NELL2: variants seen among roughly 807,000 people sequenced by gnomAD.
The protein encoded by NELL2 is neural EGFL like 2.
In NELL2, 41 loss-of-function variants were observed where a neutral mutation model predicts 109.6. The ratio of observed to expected loss-of-function variants is 0.37; its 90% confidence interval spans 0.29 to 0.49. The LOEUF is 0.49. NELL2 is among the 20% of genes least tolerant of loss of function. The pLI is 0.98. For missense variants in NELL2, 900 were observed against 1,008.3 expected (o/e 0.89, Z 1.45); for synonymous variants, 355 against 344.7 (o/e 1.03, Z -0.33).
intron 2 of NELL2, among the ~76,000 whole-genome samples, chr12:44,870,992 G>A (rs1945145167): frequency 1.3e-5 from 2 of 151,942 alleles, no homozygotes; most frequent in African/African-American, 4.8e-5. Flanking sequence ...ATGTAACCTG[G>A]TTCCTGCTTT....
At chr12:44,852,719 G>A (rs1944568282) in intron 2 of NELL2, among the ~76,000 whole-genome samples, 1 of 152,290 alleles carries the variant, frequency 6.6e-6, no homozygotes, top group African/African-American at 2.4e-5. Context: ...CCACTCGACA[G>A]TTTCCTGCCT....
At chr12:44,629,461 G>A (rs1376621856) in intron 13 of NELL2, among the ~76,000 whole-genome samples, 6 of 152,180 alleles carry the variant, frequency 3.9e-5, no homozygotes, top group Non-Finnish European at 7.3e-5. Context: ...TACCCCTGCA[G>A]TAATAAACCA....
chr12:44,684,761 G>T (rs935622842), intron 12 of NELL2, among the ~76,000 whole-genome samples: 1 of 152,160 alleles, frequency 6.6e-6, no homozygotes, highest in African/African-American at 2.4e-5. Context: ...GTTCTAGTTT[G>T]ATTGCACTGT....
chr12:44,841,829 C>G (rs377049551), intron 2 of NELL2, among the ~76,000 whole-genome samples: 2 of 152,212 alleles, frequency 1.3e-5, no homozygotes, highest in African/African-American at 4.8e-5. Context: ...AGAGAATTCA[C>G]TCCCAGAAAG....
chr12:44,844,350 C>T (rs373283042), intron 2 of NELL2, among the ~76,000 whole-genome samples: 1 of 152,166 alleles, frequency 6.6e-6, no homozygotes, highest in Admixed American at 6.5e-5. Context: ...TGACTTATTA[C>T]TTAACAATAA....
intron 13 of NELL2, among the ~76,000 whole-genome samples, chr12:44,642,502 T>C (rs558685234): frequency 6.6e-6 from 1 of 152,336 alleles, no homozygotes; most frequent in South Asian, 2.1e-4. Context: ...TCAATGGGTA[T>C]AAAGTTTTAG....
intron 16 of NELL2, chr12:44,523,716 T>C: frequency 1.9e-6 from 1 of 538,722 alleles, no homozygotes; most frequent in Non-Finnish European, 3.3e-6. Context: ...TGGCTAGAAT[T>C]TCAACTTTTA....
intron 9 of NELL2, among the ~76,000 whole-genome samples, chr12:44,742,656 C>T (rs1274013998): frequency 6.6e-6 from 1 of 152,136 alleles, no homozygotes; most frequent in Non-Finnish European, 1.5e-5. Flanking sequence ...GTGACAAATG[C>T]AGAAGCCTCA....
At chr12:44,837,714 A>C (rs1426181091) in intron 2 of NELL2, among the ~76,000 whole-genome samples, 1 of 151,950 alleles carries the variant, frequency 6.6e-6, no homozygotes, top group Non-Finnish European at 1.5e-5. Context: ...AAGTTGATTC[A>C]TATCTGCCAG....
chr12:44,664,600 T>C (rs1947859657), intron 13 of NELL2, among the ~76,000 whole-genome samples: 1 of 152,134 alleles, frequency 6.6e-6, no homozygotes, highest in African/African-American at 2.4e-5. Flanking sequence ...TGAAAACATC[T>C]AGGTTTTGTT....
intron 15 of NELL2, among the ~76,000 whole-genome samples, chr12:44,587,284 A>AAAAAAG: frequency 1.4e-5 from 1 of 72,206 alleles, no homozygotes; most frequent in Non-Finnish European, 2.7e-5. Flanking sequence ...AAAAAAAAAA[A>AAAAAAG]ATATATATAT....
At chr12:44,774,951 G>GTTT in intron 8 of NELL2, 102 bp from the exon 9 acceptor site, 2 of 844,948 alleles carry the variant, frequency 2.4e-6, no homozygotes, top group Non-Finnish European at 3.7e-6. Flanking sequence ...CATGTGAAGA[G>GTTT]AACAGAACAG....
chr12:44,550,322 A>T (rs1942982302), intron 15 of NELL2, among the ~76,000 whole-genome samples: 1 of 152,078 alleles, frequency 6.6e-6, no homozygotes, highest in Non-Finnish European at 1.5e-5. Flanking sequence ...TGAAATCAGG[A>T]TCTTGAAGAG....
chr12:44,509,715 T>G (rs372137216), intron 19 of NELL2, among the ~76,000 whole-genome samples: 2 of 152,278 alleles, frequency 1.3e-5, no homozygotes, highest in African/African-American at 4.8e-5. Context: ...GGGGAATGAA[T>G]TGTCGTTGTT....
chr12:44,835,732 C>T (rs781439660), intron 2 of NELL2, among the ~76,000 whole-genome samples: 6 of 152,216 alleles, frequency 3.9e-5, no homozygotes, highest in African/African-American at 7.2e-5. Flanking sequence ...CCTGGTTTCA[C>T]TAATCCAACA....
At position 44,682,524 on chromosome 12, in the gene NELL2, T is replaced by G. The variant is rs972135346; in HGVS notation, c.1319-16915A>C. On this transcript the variant is annotated intron_variant, in intron 12 of 19. Transcript: ENST00000429094. ...TATGTCCTGAATGGTATTGCCTAGG[T>G]TTTCTTCTAGGGTTTTTATTGTTTT... Among the ~76,000 whole-genome samples the G allele has an allele frequency of 7.9e-5, 12 of 152,240 alleles. No homozygotes were observed. In the East Asian group the frequency reaches 2.3e-3, roughly 29 times the overall value.
At chr12:44,547,256 T>C (rs1036550062) in intron 15 of NELL2, among the ~76,000 whole-genome samples, 2 of 152,214 alleles carry the variant, frequency 1.3e-5, no homozygotes, top group African/African-American at 4.8e-5. Context: ...GTTTTATCTA[T>C]ACTGTCTCAG....
At chr12:44,571,769 C>T (rs899538819) in intron 15 of NELL2, among the ~76,000 whole-genome samples, 29 of 152,110 alleles carry the variant, frequency 1.9e-4, no homozygotes, top group Non-Finnish European at 2.5e-4. Context: ...GGTCCCATGA[C>T]GATAAGATAA....
intron 2 of NELL2, among the ~76,000 whole-genome samples, chr12:44,848,339 A>G (rs1944435251): frequency 1.3e-5 from 2 of 152,298 alleles, no homozygotes; most frequent in South Asian, 4.1e-4. Context: ...CCCAGGGTCT[A>G]TAGCACCAAT....
Sources: gnomAD v4.1 joint callset for allele counts (sites outside exome capture counted in the v4.1 genomes callset) on GRCh38, gnomAD v4.1.1 for gene constraint, MANE v1.5 for transcripts, NCBI Gene and HGNC (gene_info 2026-07-23, HGNC 2026-07-21) for gene names.